The following TBL1X variants were observed in gnomAD, a reference collection of about 807,000 sequenced individuals.
TBL1X encodes F-box-like/WD repeat-containing protein TBL1X.
A neutral mutation model predicts 50.7 loss-of-function variants in TBL1X; 10 were observed. The ratio of observed to expected loss-of-function variants is 0.20; its 90% CI spans 0.12 to 0.33. TBL1X has a LOEUF of 0.33. Among genes scored for constraint, TBL1X ranks in the 10% least tolerant of loss-of-function variants. The pLI is 1.00. For synonymous variants in TBL1X, 190 were observed against 214.7 expected (o/e 0.88, Z 1.01); for missense variants, 340 against 504.4 (o/e 0.67, Z 3.12).
chrX:9,500,830 A>T (rs1425330812), intron 1 of TBL1X, among the ~76,000 whole-genome samples: 1 of 111,917 alleles, frequency 8.9e-6, no homozygotes, highest in Non-Finnish European at 1.9e-5. Context: ...TCAACCAGAA[A>T]GGTAATTTTT....
chrX:9,665,145 C>T (rs986115131), intron 5 of TBL1X, among the ~76,000 whole-genome samples: 8 of 109,516 alleles, frequency 7.3e-5, no homozygotes, highest in African/African-American at 2.7e-4. Context: ...TAGACGTTCA[C>T]GGCAAGCAAA....
At chrX:9,676,229 T>A (rs1315059898) in intron 5 of TBL1X, among the ~76,000 whole-genome samples, 1 of 112,374 alleles carries the variant, frequency 8.9e-6, no homozygotes, top group Non-Finnish European at 1.9e-5. Flanking sequence ...TAGCTCTTCC[T>A]AGTAGCTGAC....
intron 2 of TBL1X, among the ~76,000 whole-genome samples, chrX:9,632,859 T>C (rs758560970): frequency 3.2e-4 from 36 of 111,722 alleles, no homozygotes; most frequent in Admixed American, 7.6e-4. Context: ...ATGGGAGTGC[T>C]CCAGTAGTAA....
In TBL1X at chrX:9,471,339, T is replaced by C. The variant is rs72611497; in HGVS notation, c.-201+5892T>C. 1.0e-3 allele frequency among the ~76,000 whole-genome samples: 117 copies of C among 112,162 alleles called. No individual in the cohort carries two copies. The East Asian group carries it at 0.014, about 14-fold the overall frequency. ...TGGTTGTGTGAAGTCACAGAACCTGTGCATGTCCTACCGTGTAGAGTTAAA... is the reference window on the plus strand; with the variant it reads ...TGGTTGTGTGAAGTCACAGAACCTGCGCATGTCCTACCGTGTAGAGTTAAA... On this transcript the variant is annotated intron_variant, in intron 1 of 17. Coordinates refer to ENST00000645353, the MANE Select transcript of TBL1X (RefSeq NM_005647.4).
At chrX:9,581,471 T>C (rs759867033) in intron 2 of TBL1X, among the ~76,000 whole-genome samples, 11 of 111,208 alleles carry the variant, frequency 9.9e-5, no homozygotes, top group African/African-American at 1.3e-4. Context: ...AGTGGGGGGA[T>C]TGGGCACCCC....
intron 16 of TBL1X, among the ~76,000 whole-genome samples, chrX:9,713,520 C>T (rs1428245623): frequency 1.9e-5 from 2 of 103,944 alleles, no homozygotes; most frequent in African/African-American, 7.1e-5. Context: ...CTCTGCCTCC[C>T]GGGTTTGAGC....
At position 9,465,336 on chromosome X, in the gene TBL1X, C is replaced by G. The variant is rs1013860743; in HGVS notation, c.-312C>G. 3.7e-5 allele frequency: 4 copies of G among 107,305 alleles called. No homozygotes were observed. The highest frequency in any genetic ancestry group is 7.8e-5 in the Non-Finnish European group (4 of 51,123). The allele number at this position is 107,305 out of a possible 1,213,427, so 8.8% of individuals were successfully genotyped here. A position where few individuals can be genotyped will look rare whatever the true frequency, so the allele number is the denominator to read the frequency against. ...GCGGCGCGCGGCTGCTCCGGGGCGCCGGGCCCTCTTCGGCCGCCGCACGGC... is the reference window on the plus strand; with the variant it reads ...GCGGCGCGCGGCTGCTCCGGGGCGCGGGGCCCTCTTCGGCCGCCGCACGGC... On this transcript the variant is annotated 5_prime_UTR_variant, in exon 1 of 18. Transcript: ENST00000645353.
intron 2 of TBL1X, among the ~76,000 whole-genome samples, chrX:9,570,734 G>T (rs1043278794): frequency 1.1e-3 from 104 of 92,095 alleles, no homozygotes; most frequent in African/African-American, 3.9e-3. Flanking sequence ...CTGGAGTGCA[G>T]TGGCGCCATC....
chrX:9,649,298 G>C (rs2082821422), intron 3 of TBL1X, among the ~76,000 whole-genome samples: 1 of 112,333 alleles, frequency 8.9e-6, no homozygotes, highest in Non-Finnish European at 1.9e-5. Flanking sequence ...AGAAAAGTTT[G>C]ATCCAAATAT....
At chrX:9,529,021 GTT>G (rs1381906963) in intron 2 of TBL1X, among the ~76,000 whole-genome samples, 3 of 111,811 alleles carry the variant, frequency 2.7e-5, no homozygotes, top group African/African-American at 9.8e-5. Flanking sequence ...GAGTGGAAAA[GTT>G]TTCTGATTTT....
At chrX:9,616,969 C>T (rs1190294920) in intron 2 of TBL1X, among the ~76,000 whole-genome samples, 4 of 111,708 alleles carry the variant, frequency 3.6e-5, no homozygotes, top group African/African-American at 1.3e-4. Flanking sequence ...AACTTTTTTA[C>T]CCGTGATGTG....
rs1049503339 is a variant in TBL1X, at chrX:9,640,364, A to G, written c.-43+4A>G. ...CCATACATGAAGTCACCATAAGGTA[A>G]GCAGCCCAGCATGCCATTGGATCCT... On this transcript the variant is annotated splice_donor_region_variant and intron_variant, in intron 3 of 17. Transcript: ENST00000645353. The G allele has an allele frequency of 8.9e-6, 1 of 111,861 alleles. No homozygotes were observed. The highest frequency in any genetic ancestry group is 1.9e-5 in the Non-Finnish European group (1 of 53,168). The allele number at this position is 111,861 out of a possible 1,213,427, so 9.2% of individuals were successfully genotyped here. A position where few individuals can be genotyped will look rare whatever the true frequency, so the allele number is the denominator to read the frequency against.
intron 2 of TBL1X, among the ~76,000 whole-genome samples, chrX:9,595,911 T>C (rs2082524343): frequency 8.9e-6 from 1 of 112,343 alleles, no homozygotes; most frequent in Middle Eastern, 4.6e-3. Flanking sequence ...TGGAGATATC[T>C]TCCAGAAGTC....
intron 3 of TBL1X, among the ~76,000 whole-genome samples, chrX:9,650,054 G>A (rs2082825187): frequency 8.9e-6 from 1 of 112,645 alleles, no homozygotes; most frequent in Non-Finnish European, 1.9e-5. Context: ...GCCTCTTAGA[G>A]TGCTGGGATT....
At chrX:9,474,833 G>C (rs771861701) in intron 1 of TBL1X, among the ~76,000 whole-genome samples, 57 of 112,766 alleles carry the variant, frequency 5.1e-4, no homozygotes, top group Non-Finnish European at 9.4e-4. Context: ...ATTGAGTTGT[G>C]ATAAAAGTCC....
At chrX:9,687,968 A>G (rs1223171875) in intron 6 of TBL1X, 49 bp from the exon 7 acceptor site, 1 of 1,162,440 alleles carries the variant, frequency 8.6e-7, no homozygotes, top group African/African-American at 1.8e-5. Flanking sequence ...CCATTCCCAG[A>G]GCCCTCACCC....
intron 2 of TBL1X, among the ~76,000 whole-genome samples, chrX:9,523,329 C>G (rs1286305018): frequency 1.8e-5 from 2 of 112,073 alleles, no homozygotes; most frequent in Admixed American, 9.5e-5. Flanking sequence ...TGCCCAGCCC[C>G]TCTGTCCCTG....
At chrX:9,647,196 C>T (rs2082809398) in intron 3 of TBL1X, among the ~76,000 whole-genome samples, 1 of 110,744 alleles carries the variant, frequency 9.0e-6, no homozygotes, top group African/African-American at 3.3e-5. Flanking sequence ...ACCTTGAAAC[C>T]AAGGCTTAAA....
At chrX:9,705,723 T>TAAAAAA (rs34666783) in intron 13 of TBL1X, among the ~76,000 whole-genome samples, 21 of 78,178 alleles carry the variant, frequency 2.7e-4, no homozygotes, top group Non-Finnish European at 3.6e-4. Context: ...CTTGTCTCTT[T>TAAAAAA]AAAAAAAAAA....
Sources: allele counts gnomAD v4.1 joint callset (sites outside exome capture counted in the v4.1 genomes callset), GRCh38; gene constraint gnomAD v4.1.1; transcripts MANE v1.5; gene names NCBI Gene and HGNC (gene_info 2026-07-23, HGNC 2026-07-21).